The following ARFGEF1 variants were observed in gnomAD, a reference collection of about 807,000 sequenced individuals.
The protein encoded by ARFGEF1 is ARF guanine nucleotide exchange factor 1.
In ARFGEF1, 42 loss-of-function variants were observed where a neutral mutation model predicts 231.0. The observed-to-expected ratio is 0.18, with a 90% CI of 0.14 to 0.24. ARFGEF1 has a LOEUF of 0.24. Among genes scored for constraint, ARFGEF1 ranks in the 10% least tolerant of loss-of-function variants. The pLI is 1.00. For synonymous variants in ARFGEF1, 710 were observed against 732.3 expected, an observed-to-expected ratio of 0.97 and a Z score of 0.49; for missense variants, 1,345 against 2,192.0, an observed-to-expected ratio of 0.61 and a Z score of 7.72.
At chr8:67,193,503 C>G, downstream of ARFGEF1, 1 of 1,613,414 alleles carries the variant, frequency 6.2e-7, no homozygotes, top group African/African-American at 1.3e-5. Flanking sequence ...TGGTCTCTCT[C>G]TAAAATCTAT....
At chr8:67,340,243 T>A (rs1459454630) in intron 1 of ARFGEF1, among the ~76,000 whole-genome samples, 1 of 152,220 alleles carries the variant, frequency 6.6e-6, no homozygotes, top group Non-Finnish European at 1.5e-5. Context: ...CCTTCAGCTG[T>A]ATGCTCAATA....
chr8:67,184,767 T>TAATAATAATAATAATAATAAA (rs1834010039), intron 5 of ARFGEF1, among the ~76,000 whole-genome samples: 1 of 145,984 alleles, frequency 6.9e-6, no homozygotes, highest in African/African-American at 2.5e-5. Context: ...ATAATAATAA[T>TAATAATAATAATAATAATAAA]AAAGGTTGGG....
At chr8:67,213,441 C>G (rs1344980664) in intron 33 of ARFGEF1, among the ~76,000 whole-genome samples, 1 of 151,940 alleles carries the variant, frequency 6.6e-6, no homozygotes, top group Non-Finnish European at 1.5e-5. Context: ...GGCAGGGTAG[C>G]AAGATAAAAA....
chr8:67,334,284 CAAAAAAA>C (rs35170687), intron 1 of ARFGEF1, among the ~76,000 whole-genome samples: 1 of 104,950 alleles, frequency 9.5e-6, no homozygotes, highest in Non-Finnish European at 2.1e-5. Flanking sequence ...TTCCAAAGTC[CAAAAAAA>C]AAAAAAAAAA....
At chr8:67,277,559 T>C (rs1587197750) in intron 7 of ARFGEF1, 102 bp from the exon 8 acceptor site, 2 of 1,097,052 alleles carry the variant, frequency 1.8e-6, no homozygotes, top group Non-Finnish European at 2.6e-6. Context: ...AGGAAAGCAA[T>C]GTGAAGTAAA....
chr8:67,330,243 A>G (rs1354224973), intron 1 of ARFGEF1, among the ~76,000 whole-genome samples: 1 of 152,166 alleles, frequency 6.6e-6, no homozygotes, highest in Non-Finnish European at 1.5e-5. Flanking sequence ...ATATTTAACT[A>G]TTTCATAAGG....
intron 29 of ARFGEF1, among the ~76,000 whole-genome samples, chr8:67,222,227 A>ATGTGTATG (rs1554636859): frequency 6.4e-4 from 74 of 115,146 alleles, no homozygotes; most frequent in African/African-American, 1.4e-3. Context: ...ATATATATGT[A>ATGTGTATG]TATGTATGTA....
intron 19 of ARFGEF1, among the ~76,000 whole-genome samples, chr8:67,243,070 C>T (rs1839979932): frequency 6.6e-6 from 1 of 152,150 alleles, no homozygotes; most frequent in South Asian, 2.1e-4. Context: ...TATCTCTGGA[C>T]CTGCCTGGAA....
chr8:67,291,919 GCT>G lies in ARFGEF1; in HGVS notation c.842_843del (p.Glu281AlafsTer2). 6.2e-7 allele frequency: 1 copy of G among 1,613,890 alleles called. No homozygotes were observed. The highest frequency in any genetic ancestry group is 8.5e-7 in the Non-Finnish European group (1 of 1,179,880). On this transcript the variant is annotated frameshift_variant, in exon 6 of 39. Transcript: ENST00000262215. LOFTEE classifies it high-confidence loss of function. Reference protein sequence around the residue: ...DVDKSLQDDTEPENGSDISSA... With the variant: ...DVDKSLQDDTXPENGSDISSA... Reference sequence around the variant, plus strand: ...CTGGAAATATCAGATCCATTTTCAGGCTCTGTGTCATCCTGAAGACTTTTATC... The same window carrying G: ...CTGGAAATATCAGATCCATTTTCAGGCTGTGTCATCCTGAAGACTTTTATC...
chr8:67,255,236 C>T (rs572746220), intron 17 of ARFGEF1, among the ~76,000 whole-genome samples: 34 of 152,300 alleles, frequency 2.2e-4, no homozygotes, highest in Middle Eastern at 6.8e-3. Context: ...TAGTGGGATT[C>T]TGAAGCTGTA....
At chr8:67,243,145 G>A (rs1278160920) in intron 19 of ARFGEF1, among the ~76,000 whole-genome samples, 1 of 152,220 alleles carries the variant, frequency 6.6e-6, no homozygotes, top group Non-Finnish European at 1.5e-5. Context: ...ATACCTCTAT[G>A]AGTCTGCAAG....
chr8:67,201,399 G>A (rs147798721), intron 37 of ARFGEF1, 68 bp downstream of exon 37: 18,487 of 1,536,748 alleles, frequency 0.012, 143 homozygotes, highest in Non-Finnish European at 0.014. Context: ...TGGTCCCGCC[G>A]GTGCCTCTTT....
intron 4 of ARFGEF1, among the ~76,000 whole-genome samples, chr8:67,297,925 C>T (rs1421229271): frequency 6.6e-6 from 1 of 151,906 alleles, no homozygotes; most frequent in Non-Finnish European, 1.5e-5. Context: ...ACCTCAGCCT[C>T]CTGAGTAGCT....
At chr8:67,324,384 C>CT (rs1381654316) in intron 1 of ARFGEF1, among the ~76,000 whole-genome samples, 1 of 152,204 alleles carries the variant, frequency 6.6e-6, no homozygotes, top group Non-Finnish European at 1.5e-5. Flanking sequence ...ACTGAACTCC[C>CT]TGCAGTTCCC....
intron 1 of ARFGEF1, among the ~76,000 whole-genome samples, chr8:67,331,270 T>C (rs989256620): frequency 2.6e-5 from 4 of 152,162 alleles, no homozygotes; most frequent in Admixed American, 2.6e-4. Flanking sequence ...CTATGGTCTG[T>C]ATGTTTGTGT....
intron 5 of ARFGEF1, chr8:67,177,823 G>C: frequency 1.2e-6 from 1 of 856,728 alleles, no homozygotes; most frequent in Non-Finnish European, 2.0e-6. Flanking sequence ...AATTATTCAG[G>C]AATATTGAAT....
At chr8:67,257,078 G>C (rs1357648264) in intron 17 of ARFGEF1, among the ~76,000 whole-genome samples, 1 of 151,966 alleles carries the variant, frequency 6.6e-6, no homozygotes. Flanking sequence ...GGTGAAGTTT[G>C]AAACATTTTT....
chr8:67,183,402 A>T (rs567990595), intron 5 of ARFGEF1, among the ~76,000 whole-genome samples: 1 of 152,350 alleles, frequency 6.6e-6, no homozygotes, highest in African/African-American at 2.4e-5. Context: ...CTGGGCAAGA[A>T]AACAAACCTT....
intron 8 of ARFGEF1, among the ~76,000 whole-genome samples, chr8:67,276,618 T>C (rs1367213489): frequency 1.3e-5 from 2 of 152,052 alleles, no homozygotes; most frequent in African/African-American, 2.4e-5. Flanking sequence ...ACACAAAATA[T>C]AGGGTAGGAA....
Sources: allele counts gnomAD v4.1 joint callset (sites outside exome capture counted in the v4.1 genomes callset), GRCh38; gene constraint gnomAD v4.1.1; transcripts MANE v1.5; gene names NCBI Gene and HGNC (gene_info 2026-07-23, HGNC 2026-07-21).